Variants in PABPC4L observed in about 807,000 individuals in gnomAD.
PABPC4L encodes poly(A) binding protein cytoplasmic 4 like.
For missense variants in PABPC4L, 452 were observed against 451.4 expected (o/e 1.00, Z -0.01); for synonymous variants, 169 against 164.1 (o/e 1.03, Z -0.23).
At chr4:133,954,264 T>A in the PABPC4L span, among the ~76,000 whole-genome samples, 1 of 152,202 alleles carries the variant, frequency 6.6e-6, no homozygotes, top group East Asian at 1.9e-4. Context: ...CCAGGGATTT[T>A]CAATGGGTGA....
the PABPC4L span, among the ~76,000 whole-genome samples, chr4:134,020,196 A>C: frequency 6.6e-6 from 1 of 152,006 alleles, no homozygotes; most frequent in Non-Finnish European, 1.5e-5. Context: ...GTTTATTAAG[A>C]AAGTAAAGTA....
At chr4:134,191,941 G>A (rs1457284339), downstream of PABPC4L, among the ~76,000 whole-genome samples, 1 of 151,884 alleles carries the variant, frequency 6.6e-6, no homozygotes, top group Non-Finnish European at 1.5e-5. Context: ...AATAGAAAAA[G>A]TGAATGAAGC....
At chr4:134,074,227 T>C in the PABPC4L span, among the ~76,000 whole-genome samples, 1 of 152,146 alleles carries the variant, frequency 6.6e-6, no homozygotes. Flanking sequence ...CTCTCTCAAT[T>C]TCAAAGTTCC....
the PABPC4L span, among the ~76,000 whole-genome samples, chr4:134,058,241 AT>A: frequency 6.6e-6 from 1 of 152,094 alleles, no homozygotes; most frequent in South Asian, 2.1e-4. Flanking sequence ...ACATACTTAA[AT>A]AAATTGAGAA....
the PABPC4L span, among the ~76,000 whole-genome samples, chr4:134,124,003 T>A: frequency 6.6e-6 from 1 of 152,086 alleles, no homozygotes; most frequent in Non-Finnish European, 1.5e-5. Flanking sequence ...TTTGACCTTA[T>A]GTTAGGTGAT....
the PABPC4L span, among the ~76,000 whole-genome samples, chr4:134,080,507 T>G: frequency 5.3e-5 from 8 of 152,186 alleles, no homozygotes; most frequent in Non-Finnish European, 1.2e-4. Context: ...AAATCCATTT[T>G]CCAGAGTACT....
chr4:134,177,183 T>C, the PABPC4L span, among the ~76,000 whole-genome samples: 1 of 73,802 alleles, frequency 1.4e-5, no homozygotes, highest in African/African-American at 8.5e-5. Flanking sequence ...TTTCTTTTCT[T>C]TTCTTTTTTT....
chr4:134,031,134 T>C, the PABPC4L span, among the ~76,000 whole-genome samples: 1 of 152,070 alleles, frequency 6.6e-6, no homozygotes, highest in Non-Finnish European at 1.5e-5. Flanking sequence ...AGAAGGTTTT[T>C]TTCCCAGTTC....
chr4:134,048,517 G>A, the PABPC4L span, among the ~76,000 whole-genome samples: 2 of 152,108 alleles, frequency 1.3e-5, no homozygotes, highest in Non-Finnish European at 2.9e-5. Flanking sequence ...CTTCACAGGT[G>A]AGGGTAGAAG....
At chr4:134,042,907 C>T in the PABPC4L span, among the ~76,000 whole-genome samples, 1 of 151,920 alleles carries the variant, frequency 6.6e-6, no homozygotes, top group Non-Finnish European at 1.5e-5. Flanking sequence ...GCCTATTTTT[C>T]CTGTCATTAA....
the PABPC4L span, among the ~76,000 whole-genome samples, chr4:134,168,110 A>G: frequency 6.6e-6 from 1 of 152,110 alleles, no homozygotes; most frequent in Non-Finnish European, 1.5e-5. Context: ...CTAGAAATCA[A>G]TAACAAGAGG....
chr4:134,112,275 T>C, the PABPC4L span, among the ~76,000 whole-genome samples: 1 of 152,008 alleles, frequency 6.6e-6, no homozygotes, highest in Non-Finnish European at 1.5e-5. Context: ...ATTCAAACTC[T>C]GATTTCTGGA....
chr4:134,085,180 T>C, the PABPC4L span, among the ~76,000 whole-genome samples: 13 of 152,102 alleles, frequency 8.5e-5, no homozygotes, highest in Non-Finnish European at 1.5e-4. Flanking sequence ...CAGGCTGTTT[T>C]AGGCTTGAAA....
At chr4:134,005,415 G>A in the PABPC4L span, among the ~76,000 whole-genome samples, 1 of 151,820 alleles carries the variant, frequency 6.6e-6, no homozygotes, top group Non-Finnish European at 1.5e-5. Context: ...GAAGAGATGT[G>A]ATTGTGATCA....
At chr4:134,154,630 A>C in the PABPC4L span, among the ~76,000 whole-genome samples, 1 of 152,058 alleles carries the variant, frequency 6.6e-6, no homozygotes, top group Non-Finnish European at 1.5e-5. Flanking sequence ...TTGGCTGGTA[A>C]GATTTTTTTT....
the PABPC4L span, among the ~76,000 whole-genome samples, chr4:134,161,626 G>C: frequency 2.0e-5 from 3 of 152,042 alleles, no homozygotes; most frequent in Admixed American, 6.6e-5. Context: ...CAAAAGCTGA[G>C]GGATTTCATC....
chr4:134,117,061 T>C, the PABPC4L span, among the ~76,000 whole-genome samples: 1 of 149,468 alleles, frequency 6.7e-6, no homozygotes, highest in South Asian at 2.1e-4. Flanking sequence ...ATCCTTTCTT[T>C]CTTCTATATT....
the PABPC4L span, among the ~76,000 whole-genome samples, chr4:133,975,135 T>C: frequency 6.6e-6 from 1 of 152,258 alleles, no homozygotes; most frequent in Non-Finnish European, 1.5e-5. Flanking sequence ...AAAATGGGAT[T>C]GGCTATATAA....
the PABPC4L span, among the ~76,000 whole-genome samples, chr4:134,175,222 T>C: frequency 7.9e-5 from 12 of 152,142 alleles, no homozygotes; most frequent in Non-Finnish European, 1.6e-4. Flanking sequence ...ATAAAAAGTA[T>C]GAAATCTGAA....
Sources: gnomAD v4.1 joint callset for allele counts (sites outside exome capture counted in the v4.1 genomes callset) on GRCh38, gnomAD v4.1.1 for gene constraint, MANE v1.5 for transcripts, NCBI Gene and HGNC (gene_info 2026-07-23, HGNC 2026-07-21) for gene names.